Variants in C18orf63 observed in about 807,000 individuals in gnomAD.
C18orf63 encodes the protein uncharacterized protein C18orf63.
A neutral mutation model predicts 75.3 loss-of-function variants in C18orf63; 50 were observed. That is an observed-to-expected ratio of 0.66 (90% CI 0.53 to 0.84). C18orf63 has a LOEUF of 0.84. C18orf63 is among the 40% of genes least tolerant of loss of function. The pLI, the probability that C18orf63 is intolerant of heterozygous loss-of-function variation, is 0.00. For synonymous variants in C18orf63, 232 were observed against 267.6 expected, an observed-to-expected ratio of 0.87 and a Z score of 1.30; for missense variants, 732 against 800.2, an observed-to-expected ratio of 0.91 and a Z score of 1.03.
intron 7 of C18orf63, among the ~76,000 whole-genome samples, chr18:74,333,206 T>C (rs979838519): frequency 6.6e-6 from 1 of 152,122 alleles, no homozygotes; most frequent in Non-Finnish European, 1.5e-5. Context: ...CACCCACTTA[T>C]TGCAGTAGTG....
In C18orf63 at chr18:74,357,122, A is replaced by G. The variant is rs189565989; in HGVS notation, c.*675A>G. 6.6e-6 allele frequency: 1 copy of G among 152,356 alleles called. No homozygotes were observed. The allele number at this position is 152,356 out of a possible 1,614,324, so 9.4% of individuals were successfully genotyped here. On this transcript the variant is annotated 3_prime_UTR_variant, in exon 14 of 14. Transcript: ENST00000579455. ...ATATGCAAATTAACAGGAAGCCCTG[A>G]ATAAATGTAAAAGCTATTTCTCAAC...
chr18:74,356,328 T>C lies in C18orf63; in HGVS notation c.*34-153T>C, dbSNP rs116008451. On this transcript the variant is annotated intron_variant, in intron 13 of 13. Coordinates refer to ENST00000579455, the MANE Select transcript of C18orf63 (RefSeq NM_001174123.2). ...TCTTTCTATCATTCTGCACTCTATG[T>C]CCACGTGTATATATTATTTAGCTCC... Among the ~76,000 whole-genome samples, 1,180 of 152,260 alleles carry C rather than the reference T, an allele frequency of 7.7e-3. 17 individuals carry two copies. The highest frequency in any genetic ancestry group is 0.026 in the African/African-American group (1,092 of 41,548).
At chr18:74,338,960 A>G (rs1199010597) in intron 8 of C18orf63, 136 bp downstream of exon 8, 1 of 396,884 alleles carries the variant, frequency 2.5e-6, no homozygotes, top group Non-Finnish European at 4.5e-6. Flanking sequence ...TGACTTCACA[A>G]AGGTATTGAA....
chr18:74,335,995 A>G (rs953839558), intron 7 of C18orf63, among the ~76,000 whole-genome samples: 2 of 152,096 alleles, frequency 1.3e-5, no homozygotes, highest in Non-Finnish European at 2.9e-5. Context: ...GGAGATAATG[A>G]TATCCCTTCT....
At position 74,354,272 on chromosome 18, in the gene C18orf63, A is replaced by G; in HGVS notation, c.2001+4A>G. The G allele has an allele frequency of 6.7e-7, 1 of 1,497,510 alleles. No individual in the cohort carries two copies. Among genetic ancestry groups the G allele is most frequent in the Non-Finnish European group, 8.8e-7 (1 of 1,133,514 alleles). 92.8% of individuals were successfully genotyped at this position (1,497,510 alleles called of 1,614,324 possible). On this transcript the variant is annotated splice_donor_region_variant and intron_variant, in intron 12 of 13. Transcript: ENST00000579455. ...ATCCAGTTCTTCTAAGAAGCAGGTA[A>G]AAAAAAAATTAATCTGGCACTACTT...
At chr18:74,322,888 A>AT (rs1396890895) in intron 4 of C18orf63, 134 bp downstream of exon 4, 10 of 310,192 alleles carry the variant, frequency 3.2e-5, no homozygotes, top group African/African-American at 6.4e-5. Context: ...AACCCAACAA[A>AT]TTTTTTCTAA....
chr18:74,347,310 G>T (rs1363112647), intron 11 of C18orf63, among the ~76,000 whole-genome samples: 2 of 152,208 alleles, frequency 1.3e-5, no homozygotes, highest in Non-Finnish European at 2.9e-5. Flanking sequence ...AGTGGAGAAA[G>T]GGAGAAGTCA....
chr18:74,317,067 G>C (rs1984038878), intron 1 of C18orf63, among the ~76,000 whole-genome samples: 1 of 152,154 alleles, frequency 6.6e-6, no homozygotes, highest in Admixed American at 6.5e-5. Context: ...TGATCAGAAG[G>C]CTGGTCACAC....
Position 74,317,825 on chromosome 18 carries a change from T to C in C18orf63, c.-32-9T>C. The C allele has an allele frequency of 6.8e-7, 1 of 1,468,376 alleles. No individual in the cohort carries two copies. The highest frequency in any genetic ancestry group is 9.0e-7 in the Non-Finnish European group (1 of 1,110,144). The allele number at this position is 1,468,376 out of a possible 1,614,324, so 91.0% of individuals were successfully genotyped here. A position where few individuals can be genotyped will look rare whatever the true frequency, so the allele number is the denominator to read the frequency against. Reference sequence around the variant, plus strand: ...ATTTACTACCTTTTTTTGCTGTTTATTTTTAAAGGCCTGATTGCTGAGACA... The same window carrying C: ...ATTTACTACCTTTTTTTGCTGTTTACTTTTAAAGGCCTGATTGCTGAGACA... On this transcript the variant is annotated splice_polypyrimidine_tract_variant and intron_variant, in intron 1 of 13. Transcript: ENST00000579455.
intron 7 of C18orf63, among the ~76,000 whole-genome samples, chr18:74,337,665 T>C (rs180929605): frequency 2.6e-4 from 40 of 152,296 alleles, no homozygotes; most frequent in Middle Eastern, 3.4e-3. Context: ...GATTTATCTC[T>C]TGTGCACAGG....
At chr18:74,347,643 TAA>T in intron 11 of C18orf63, among the ~76,000 whole-genome samples, 1 of 152,344 alleles carries the variant, frequency 6.6e-6, no homozygotes, top group Non-Finnish European at 1.5e-5. Flanking sequence ...GAGCTCTCAG[TAA>T]GTTGTTATTA....
chr18:74,335,934 C>T (rs1013633948), intron 7 of C18orf63, among the ~76,000 whole-genome samples: 6 of 151,998 alleles, frequency 3.9e-5, no homozygotes, highest in African/African-American at 1.4e-4. Flanking sequence ...CTGGCAGTGC[C>T]TCTTTGGCAT....
At chr18:74,346,073 TCTTTA>T (rs989330211) in intron 11 of C18orf63, among the ~76,000 whole-genome samples, 9 of 151,960 alleles carry the variant, frequency 5.9e-5, no homozygotes, top group African/African-American at 2.2e-4. Context: ...AAATATATAT[TCTTTA>T]ATTTATCTCA....
In C18orf63 at chr18:74,357,946, TA is replaced by T. The variant is rs1329007501; in HGVS notation, c.*1501del. 1 of 152,068 alleles carries T rather than the reference TA, an allele frequency of 6.6e-6. No individual in the cohort carries two copies. Among genetic ancestry groups the T allele is most frequent in the Non-Finnish European group, 1.5e-5 (1 of 68,018 alleles). The allele number at this position is 152,068 out of a possible 1,614,324, so 9.4% of individuals were successfully genotyped here. A position where few individuals can be genotyped will look rare whatever the true frequency, so the allele number is the denominator to read the frequency against. On this transcript the variant is annotated 3_prime_UTR_variant, in exon 14 of 14. Transcript: ENST00000579455. ...TTTGTTTATGAGGCTATGGTGAAAA[TA>T]ACATTAGTAAATATGCATTTTTGAT...
At chr18:74,340,074 C>T (rs1351666059) in intron 8 of C18orf63, among the ~76,000 whole-genome samples, 1 of 152,134 alleles carries the variant, frequency 6.6e-6, no homozygotes, top group African/African-American at 2.4e-5. Context: ...AGACAACTTA[C>T]AGAATGAGAG....
chr18:74,317,845 G>A lies in C18orf63; in HGVS notation c.-21G>A, dbSNP rs777292225. On this transcript the variant is annotated 5_prime_UTR_variant, in exon 2 of 14. Transcript: ENST00000579455. The stretch of plus-strand genomic sequence containing the variant: ...GTTTATTTTTAAAGGCCTGATTGCT[G>A]AGACACTCAGTCAGGAAAGTATGAA... 6.6e-7 allele frequency: 1 copy of A among 1,513,248 alleles called. No homozygotes were observed. The highest frequency in any genetic ancestry group is 8.8e-7 in the Non-Finnish European group (1 of 1,135,940). 93.7% of individuals were successfully genotyped at this position (1,513,248 alleles called of 1,614,324 possible).
At position 74,342,310 on chromosome 18, in the gene C18orf63, G is replaced by A. The variant is rs1261162566; in HGVS notation, c.778G>A (p.Gly260Arg). The A allele has an allele frequency of 1.4e-5, 22 of 1,528,160 alleles. No homozygotes were observed. The highest frequency in any genetic ancestry group is 1.2e-4 in the East Asian group (5 of 40,838). 94.7% of individuals were successfully genotyped at this position (1,528,160 alleles called of 1,614,324 possible). A position where few individuals can be genotyped will look rare whatever the true frequency, so the allele number is the denominator to read the frequency against. ...IYCNIYFKMLGERTFTYPLSC... is the reference protein window; with the variant it reads ...IYCNIYFKMLRERTFTYPLSC... ...CTGCAACATCTATTTCAAAATGCTC[G>A]GAGAAAGGACCTTCACATATCCTTT... The change falls in exon 10 of 14, where the codon GGA becomes AGA. Residue 260 changes from glycine (G) to arginine (R), a missense_variant. Physicochemically the swap from Gly to Arg is moderately radical, Grantham distance 125. Around this residue, in one of 3 missense-constraint regions of C18orf63, gnomAD observed 495 missense variants for 508.7 expected, o/e 0.97. Coordinates refer to ENST00000579455, the MANE Select transcript of C18orf63 (RefSeq NM_001174123.2).
In C18orf63 at chr18:74,353,400, C is replaced by T. The variant is rs1984703613; in HGVS notation, c.1133C>T (p.Thr378Ile). 2 of 1,536,326 alleles carry T rather than the reference C, an allele frequency of 1.3e-6. No homozygotes were observed. Among genetic ancestry groups the T allele is most frequent in the Non-Finnish European group, 1.7e-6 (2 of 1,146,948 alleles). The part of the protein sequence containing the change: ...HKVELSVSQP[T>I]SGIFSALHLQ... ...GTGGAGCTTTCAGTCAGCCAGCCAA[C>T]ATCAGGCATTTTCTCAGCTTTGCAT... The change falls in exon 12 of 14, where the codon ACA (threonine) becomes ATA (isoleucine). Residue 378 changes from threonine (T) to isoleucine (I), a missense_variant. Around this residue, in one of 3 missense-constraint regions of C18orf63, gnomAD observed 495 missense variants for 508.7 expected, o/e 0.97. Transcript: ENST00000579455.
intron 11 of C18orf63, among the ~76,000 whole-genome samples, chr18:74,346,567 A>G (rs1984579067): frequency 6.6e-6 from 1 of 152,220 alleles, no homozygotes; most frequent in Non-Finnish European, 1.5e-5. Context: ...AGTTTTGTCC[A>G]GACATAATAT....
Sources: gnomAD v4.1 joint callset for allele counts (sites outside exome capture counted in the v4.1 genomes callset) on GRCh38, gnomAD v4.1.1 for gene constraint, gnomAD v4.1.1 regional missense constraint, MANE v1.5 for transcripts, NCBI Gene and HGNC (gene_info 2026-07-23, HGNC 2026-07-21) for gene names.